The following PARP10 variants were observed in gnomAD, a reference collection of about 807,000 sequenced individuals.
The protein encoded by PARP10 is poly(ADP-ribose) polymerase family member 10.
A neutral mutation model predicts 82.4 loss-of-function variants in PARP10; 56 were observed. The observed-to-expected ratio is 0.68, with a 90% CI of 0.55 to 0.85. The LOEUF (loss-of-function observed/expected upper bound fraction) is 0.85. Among genes scored for constraint, PARP10 ranks in the 40% least tolerant of loss-of-function variants. The pLI is 0.00. For synonymous variants in PARP10, 576 were observed against 601.1 expected, an observed-to-expected ratio of 0.96 and a Z score of 0.61; for missense variants, 1,227 against 1,379.4, an observed-to-expected ratio of 0.89 and a Z score of 1.75.
In PARP10 at chr8:144,006,948, G is replaced by A. The variant is rs1292486615; in HGVS notation, c.-80+5582C>T. Among the ~76,000 whole-genome samples the A allele has an allele frequency of 3.3e-5, 5 of 152,328 alleles. No homozygotes were observed. In the South Asian group the frequency reaches 1.0e-3, roughly 32 times the overall value. On this transcript the variant is annotated intron_variant, in intron 1 of 3. Coordinates refer to the PARP10 transcript ENST00000530478. ...AAGCCCAACCACACACCTCCAGCAA[G>A]CCTTCGTGTCCACCTGCTCTCCATT...
intron 1 of PARP10, among the ~76,000 whole-genome samples, chr8:144,005,809 C>G (rs1834232388): frequency 6.6e-6 from 1 of 152,060 alleles, no homozygotes; most frequent in Non-Finnish European, 1.5e-5. Flanking sequence ...CCAAGCAGCA[C>G]CTTGTCAAGG....
intron 9 of PARP10, 76 bp from the exon 10 acceptor site, chr8:143,978,157 G>T: frequency 7.1e-7 from 1 of 1,412,876 alleles, no homozygotes; most frequent in Admixed American, 2.8e-5. Context: ...GCTGAGCCTG[G>T]CAACCAGGAG....
At chr8:143,995,227 G>C (rs1179203645), upstream of PARP10, among the ~76,000 whole-genome samples, 1 of 152,176 alleles carries the variant, frequency 6.6e-6, no homozygotes, top group African/African-American at 2.4e-5. Context: ...GCCACAGCTG[G>C]GTTTGTGTTT....
At chr8:144,002,368 G>T (rs1834208536) in intron 1 of PARP10, among the ~76,000 whole-genome samples, 1 of 152,084 alleles carries the variant, frequency 6.6e-6, no homozygotes, top group Non-Finnish European at 1.5e-5. Flanking sequence ...GGGCAATATA[G>T]TGAGACCCTA....
At chr8:143,992,303 C>A, upstream of PARP10, 1 of 1,589,440 alleles carries the variant, frequency 6.3e-7, no homozygotes, top group Non-Finnish European at 8.6e-7. Context: ...TTCTACAACA[C>A]CGAGGCAGTC....
At chr8:143,998,697 C>T (rs1208817918) in intron 1 of PARP10, among the ~76,000 whole-genome samples, 2 of 152,300 alleles carry the variant, frequency 1.3e-5, no homozygotes, top group African/African-American at 4.8e-5. Context: ...TGGCCTTAAT[C>T]CCAACACTTT....
At position 143,997,092 on chromosome 8, in the gene PARP10, G is replaced by T. The variant is rs149127668; in HGVS notation, c.-79-10654C>A. On this transcript the variant is annotated intron_variant, in intron 1 of 3. Transcript: ENST00000530478. ...GATGCTGCTTCCCAGGCAGCAGGAT[G>T]GCTTGGCTCATGCTGGCATCAAGAC... 3.3e-4 allele frequency among the ~76,000 whole-genome samples: 50 copies of T among 152,284 alleles called. 1 individual carries two copies. The highest frequency in any genetic ancestry group is 1.2e-3 in the African/African-American group (48 of 41,534).
upstream of PARP10, chr8:143,992,803 C>T: frequency 1.9e-6 from 3 of 1,613,820 alleles, no homozygotes; most frequent in Non-Finnish European, 2.5e-6. Context: ...CAACATCTTC[C>T]TGTACATCCT....
At position 143,983,180 on chromosome 8, in the gene PARP10, A is replaced by C; in HGVS notation, c.2409T>G (p.Ala803=). The C allele has an allele frequency of 6.2e-7, 1 of 1,613,534 alleles. No individual in the cohort carries two copies. The highest frequency in any genetic ancestry group is 8.5e-7 in the Non-Finnish European group (1 of 1,179,802). ...WDQSLAFPLA[A]SGPTLAGQTL... ...AGGTAGACTCACAGGTAGGGCCTGA[A>C]GCTGCCAAGGGAAAGGCCAAACTCT... The change falls in exon 8 of 11, where the codon GCT becomes GCG. Residue 803 remains alanine (A), a synonymous_variant. Coordinates refer to ENST00000313028, the MANE Select transcript of PARP10 (RefSeq NM_032789.5).
In PARP10 at chr8:143,984,748, C is replaced by T. The variant is rs1833944413; in HGVS notation, c.1254G>A (p.Glu418=). 6.2e-7 allele frequency: 1 copy of T among 1,613,744 alleles called. No homozygotes were observed. Among genetic ancestry groups the T allele is most frequent in the Non-Finnish European group, 8.5e-7 (1 of 1,179,844 alleles). Residue 418 remains glutamate, a synonymous_variant, in exon 5 of 11, where the codon GAG becomes GAA. Coordinates refer to ENST00000313028, the MANE Select transcript of PARP10 (RefSeq NM_032789.5). The part of the protein sequence containing the change: ...PEQEGLVGPM[E]ITMGSLEKAG... ...CCTTCTCCAGAGACCCCATGGTGAT[C>T]TCCATGGGACCCACCAGCCCCTCTT...
Position 143,977,580 on chromosome 8 carries a change from G to T in PARP10, c.2982C>A (p.Thr994=). The change falls in exon 11 of 11, where the codon ACC becomes ACA. Residue 994 remains threonine (T), a synonymous_variant. Transcript: ENST00000313028. ...TGATGAGGTGGGTGGGCAGCGCCTG[G>T]GTGTCGTGGAAGATGACGAAGATGC... is the stretch of plus-strand genomic sequence containing the variant. ...QPSIFVIFHD[T]QALPTHLITC... The T allele has an allele frequency of 6.3e-7, 1 of 1,577,648 alleles. No homozygotes were observed. Among genetic ancestry groups the T allele is most frequent in the Non-Finnish European group, 8.6e-7 (1 of 1,162,190 alleles).
rs782324099 is a variant in PARP10, at chr8:143,978,033, G to A, written c.2605C>T (p.Arg869Trp). 1.1e-5 allele frequency: 18 copies of A among 1,577,064 alleles called. No individual in the cohort carries two copies. The highest frequency in any genetic ancestry group is 1.8e-4 in the Middle Eastern group (1 of 5,512). Residue 869 changes from arginine to tryptophan, a missense_variant, in exon 10 of 11, where the codon CGG (arginine) becomes TGG (tryptophan). Physicochemically the swap from Arg to Trp is moderately radical, Grantham distance 101. Coordinates refer to ENST00000313028, the MANE Select transcript of PARP10 (RefSeq NM_032789.5). ...TCGCATCGCTGCAGCAGGCGCTCCC[G>A]GTACAGCTCATACTGCTGCTGCAGC... The part of the protein sequence containing the change: ...PLLQQQYELY[R>W]ERLLQRCERR...
intron 9 of PARP10, among the ~76,000 whole-genome samples, chr8:143,980,318 T>TAAAAAAAAAAAAAAAAAAA (rs1564247548): frequency 6.4e-5 from 1 of 15,666 alleles, no homozygotes; most frequent in African/African-American, 1.4e-4. Flanking sequence ...AGATTCCGTC[T>TAAAAAAAAAAAAAAAAAAA]CAAAAAAAAA....
chr8:143,977,868 G>C, intron 10 of PARP10, 38 bp from the exon 11 acceptor site: 1 of 1,598,382 alleles, frequency 6.3e-7, no homozygotes, highest in Non-Finnish European at 8.5e-7. Context: ...GGTGGTCGGG[G>C]TGCGCAGAGC....
Position 143,977,432 on chromosome 8 carries a change from T to A in PARP10, c.*52A>T. 6.9e-7 allele frequency: 1 copy of A among 1,440,456 alleles called. No homozygotes were observed. The allele number at this position is 1,440,456 out of a possible 1,614,324, so 89.2% of individuals were successfully genotyped here. On this transcript the variant is annotated 3_prime_UTR_variant, in exon 11 of 11. Transcript: ENST00000313028. ...CAGTTGGGGGCGGGGAGCATCAGCC[T>A]GTGCGGAGCTGGGAGCCTGGGAAGC...
At chr8:144,006,514 C>T (rs538553291) in intron 1 of PARP10, among the ~76,000 whole-genome samples, 24 of 152,292 alleles carry the variant, frequency 1.6e-4, no homozygotes, top group African/African-American at 2.2e-4. Context: ...AGGGGCAACA[C>T]GCAAGCGGAG....
Position 143,984,937 on chromosome 8 carries a change from C to T in PARP10, c.1065G>A (p.Gly355=), listed in dbSNP as rs1833949223. The part of the protein sequence containing the change: ...QAEQVSSMPM[G]SLEHEGLVSL... ...TTACCAGCCCCTCATGTTCCAGAGACCCCATGGGCATCGAGCTGACTTGCT... is the reference window on the plus strand; with the variant it reads ...TTACCAGCCCCTCATGTTCCAGAGATCCCATGGGCATCGAGCTGACTTGCT... The change falls in exon 5 of 11, where the codon GGG becomes GGA. Residue 355 remains glycine, a synonymous_variant. Transcript: ENST00000313028. 3.1e-6 allele frequency: 5 copies of T among 1,613,924 alleles called. No individual in the cohort carries two copies. The highest frequency in any genetic ancestry group is 2.2e-5 in the South Asian group (2 of 91,088).
upstream of PARP10, chr8:143,992,619 G>A: frequency 6.2e-7 from 1 of 1,614,122 alleles, no homozygotes; most frequent in Non-Finnish European, 8.5e-7. Context: ...GTGAGTGAGG[G>A]GTGACCTTGG....
chr8:143,980,795 A>C (rs1466503943), intron 9 of PARP10, among the ~76,000 whole-genome samples: 1 of 152,206 alleles, frequency 6.6e-6, no homozygotes, highest in Non-Finnish European at 1.5e-5. Context: ...ACAGAATTTT[A>C]ATAACTAGGA....
Sources: allele counts gnomAD v4.1 joint callset (sites outside exome capture counted in the v4.1 genomes callset), GRCh38; gene constraint gnomAD v4.1.1; transcripts MANE v1.5; gene names NCBI Gene and HGNC (gene_info 2026-07-23, HGNC 2026-07-21).